The following UGGT2 variants were observed in gnomAD, a reference collection of about 807,000 sequenced individuals.
UGGT2 encodes the protein UDP-glucose glycoprotein glucosyltransferase 2.
UGGT2 carries 180 observed loss-of-function variants against 192.1 expected under a neutral mutation model. The ratio of observed to expected loss-of-function variants is 0.94; its 90% CI spans 0.83 to 1.06. The LOEUF is 1.06. UGGT2 is among the 50% of genes least tolerant of loss of function. UGGT2 has a pLI of 0.00. For missense variants in UGGT2, 1,849 were observed against 1,795.7 expected (o/e 1.03, Z -0.54); for synonymous variants, 580 against 591.0 (o/e 0.98, Z 0.27).
At chr13:96,032,253 T>C (rs904008398) in intron 1 of UGGT2, among the ~76,000 whole-genome samples, 7 of 152,064 alleles carry the variant, frequency 4.6e-5, no homozygotes, top group African/African-American at 1.7e-4. Flanking sequence ...AACTAAAAAA[T>C]TGATAGTTTA....
intron 10 of UGGT2, among the ~76,000 whole-genome samples, chr13:95,976,278 C>T (rs1362413361): frequency 1.3e-5 from 2 of 152,092 alleles, no homozygotes; most frequent in Non-Finnish European, 2.9e-5. Flanking sequence ...AAATAATATT[C>T]CATTGTGTCT....
At chr13:95,946,791 A>C (rs1216912704) in intron 15 of UGGT2, among the ~76,000 whole-genome samples, 2 of 152,196 alleles carry the variant, frequency 1.3e-5, no homozygotes, top group African/African-American at 4.8e-5. Context: ...GGCTGAGTAA[A>C]CCTTAGTAAA....
intron 12 of UGGT2, among the ~76,000 whole-genome samples, chr13:95,952,708 T>A (rs1377866602): frequency 6.6e-6 from 1 of 152,180 alleles, no homozygotes; most frequent in Non-Finnish European, 1.5e-5. Context: ...GTGGGTTTTT[T>A]CCCTTCTATG....
chr13:95,940,544 C>T (rs544189920), intron 15 of UGGT2, among the ~76,000 whole-genome samples: 6 of 150,084 alleles, frequency 4.0e-5, no homozygotes, highest in African/African-American at 1.5e-4. Flanking sequence ...GCTTCAACCT[C>T]CCAGCTCAAG....
At chr13:95,817,946 A>G (rs955879419) in intron 38 of UGGT2, among the ~76,000 whole-genome samples, 30 of 152,280 alleles carry the variant, frequency 2.0e-4, no homozygotes, top group African/African-American at 6.5e-4. Flanking sequence ...TTAAATCCAA[A>G]CTATATTATA....
At chr13:95,846,251 C>T (rs1012298937) in intron 36 of UGGT2, among the ~76,000 whole-genome samples, 46 of 152,182 alleles carry the variant, frequency 3.0e-4, no homozygotes, top group Non-Finnish European at 5.3e-4. Flanking sequence ...GGCGAAACCC[C>T]GTCTCCACCA....
intron 4 of UGGT2, among the ~76,000 whole-genome samples, chr13:96,018,862 A>G (rs1437212837): frequency 1.3e-5 from 2 of 151,796 alleles, no homozygotes; most frequent in Non-Finnish European, 1.5e-5. Context: ...TCATTTCTTT[A>G]AAAAAAGATA....
intron 2 of UGGT2, among the ~76,000 whole-genome samples, chr13:96,030,327 C>T (rs1324619988): frequency 6.6e-6 from 1 of 152,110 alleles, no homozygotes; most frequent in African/African-American, 2.4e-5. Flanking sequence ...CTGTCTCCTT[C>T]ATTGTTTCAC....
chr13:95,906,140 C>A (rs2048283662), intron 20 of UGGT2, among the ~76,000 whole-genome samples: 1 of 152,088 alleles, frequency 6.6e-6, no homozygotes, highest in African/African-American at 2.4e-5. Flanking sequence ...ACTCTTGGTA[C>A]TTTGAATTTC....
intron 5 of UGGT2, among the ~76,000 whole-genome samples, chr13:96,005,283 C>T (rs2051937125): frequency 6.6e-6 from 1 of 152,142 alleles, no homozygotes; most frequent in Non-Finnish European, 1.5e-5. Context: ...GCTAGTGAAG[C>T]TGGTAAAGAT....
At chr13:96,002,832 G>A (rs1223081080) in intron 5 of UGGT2, among the ~76,000 whole-genome samples, 2 of 152,178 alleles carry the variant, frequency 1.3e-5, no homozygotes, top group Non-Finnish European at 2.9e-5. Flanking sequence ...TTTCTCACTT[G>A]TAAATCTCAG....
rs547911045 is a variant in UGGT2 at position 95,862,582 on chromosome 13, G to A, written c.3644+1047C>T. Among the ~76,000 whole-genome samples the A allele has an allele frequency of 7.2e-5, 11 of 152,244 alleles. No homozygotes were observed. The South Asian group carries it at 2.3e-3, about 32-fold the overall frequency. Reference sequence around the variant, plus strand: ...TAGAAGTAGGTATATGACTCATGCTGGGTTATCAGAGTCACAGAAATCAGT... The same window carrying A: ...TAGAAGTAGGTATATGACTCATGCTAGGTTATCAGAGTCACAGAAATCAGT... On this transcript the variant is annotated intron_variant, in intron 31 of 38. Coordinates refer to ENST00000376747, the MANE Select transcript of UGGT2 (RefSeq NM_020121.4).
intron 38 of UGGT2, among the ~76,000 whole-genome samples, chr13:95,824,656 TC>T (rs1885837340): frequency 1.3e-5 from 2 of 152,102 alleles, no homozygotes; most frequent in African/African-American, 4.8e-5. Flanking sequence ...TTTCTTTATA[TC>T]TCTCTAGAAA....
At chr13:95,986,636 G>C (rs1019524389) in intron 8 of UGGT2, among the ~76,000 whole-genome samples, 1 of 151,950 alleles carries the variant, frequency 6.6e-6, no homozygotes, top group African/African-American at 2.4e-5. Context: ...TTTTATGAAT[G>C]ACTATTTAAT....
At chr13:95,859,446 A>C in intron 33 of UGGT2, 145 bp downstream of exon 33, 1 of 638,424 alleles carries the variant, frequency 1.6e-6, no homozygotes. Flanking sequence ...ATTGTACAGA[A>C]TTTTTCTTAA....
In UGGT2 at chr13:96,050,633, A is replaced by G. The variant is rs550281186; in HGVS notation, c.158+2522T>C. On this transcript the variant is annotated intron_variant, in intron 1 of 38. Coordinates refer to ENST00000376747, the MANE Select transcript of UGGT2 (RefSeq NM_020121.4). ...TACAAAGAACTTAAACAAATTTACAAGAAAAAAATTAAACGACCCCATCAA... is the reference window on the plus strand; with the variant it reads ...TACAAAGAACTTAAACAAATTTACAGGAAAAAAATTAAACGACCCCATCAA... Among the ~76,000 whole-genome samples, 3 of 152,346 alleles carry G rather than the reference A, an allele frequency of 2.0e-5. No homozygotes were observed. In the South Asian group the frequency reaches 6.2e-4, roughly 32 times the overall value.
Position 95,832,942 on chromosome 13 carries a change from T to C in UGGT2, c.4513A>G (p.Lys1505Glu). 6.2e-7 allele frequency: 1 copy of C among 1,612,544 alleles called. No individual in the cohort carries two copies. Among genetic ancestry groups the C allele is most frequent in the Non-Finnish European group, 8.5e-7 (1 of 1,178,976 alleles). Reference sequence around the variant, plus strand: ...GATGACTTACTTGTATCTTGCTTCTTGTTTTCAAGATGATCTAATAGTTGT... The same window carrying C: ...GATGACTTACTTGTATCTTGCTTCTCGTTTTCAAGATGATCTAATAGTTGT... ...IRQLLDHLEN[K>E]KQDTILTHDE... Residue 1505 changes from lysine (K) to glutamate (E), a missense_variant, in exon 38 of 39, where the codon AAG (lysine) becomes GAG (glutamate). Physicochemically the swap from Lys to Glu is moderately conservative, Grantham distance 56. Transcript: ENST00000376747.
intron 38 of UGGT2, among the ~76,000 whole-genome samples, chr13:95,818,116 C>T (rs751439748): frequency 2.0e-5 from 3 of 152,110 alleles, no homozygotes; most frequent in Non-Finnish European, 2.9e-5. Flanking sequence ...AGAACAGCCC[C>T]GGGCAATGCA....
At chr13:96,041,915 T>C (rs1365040723) in intron 1 of UGGT2, among the ~76,000 whole-genome samples, 1 of 151,224 alleles carries the variant, frequency 6.6e-6, no homozygotes, top group African/African-American at 2.4e-5. Flanking sequence ...GAAATGCCCC[T>C]ATCTGATGGT....
Sources: gnomAD v4.1 joint callset for allele counts (sites outside exome capture counted in the v4.1 genomes callset) on GRCh38, gnomAD v4.1.1 for gene constraint, MANE v1.5 for transcripts, NCBI Gene and HGNC (gene_info 2026-07-23, HGNC 2026-07-21) for gene names.